The following GSN variants were observed in gnomAD, a reference collection of about 807,000 sequenced individuals.
GSN encodes gelsolin.
A neutral mutation model predicts 85.7 loss-of-function variants in GSN; 56 were observed. The observed-to-expected ratio is 0.65, with a 90% CI of 0.53 to 0.82. The LOEUF is 0.82. GSN is among the 40% of genes least tolerant of loss of function. The probability of loss-of-function intolerance (pLI) is 0.00; values close to 1 mark genes in which losing one functional copy is unlikely to be tolerated. For missense variants in GSN, 857 were observed against 979.8 expected (o/e 0.87, Z 1.67); for synonymous variants, 373 against 399.1 (o/e 0.93, Z 0.78).
At chr9:121,227,159 C>T (rs933445167) in intron 4 of GSN, among the ~76,000 whole-genome samples, 4 of 152,034 alleles carry the variant, frequency 2.6e-5, no homozygotes, top group Admixed American at 1.3e-4. Flanking sequence ...TTTGGGAGGC[C>T]GAGGTGGGCG....
rs1443420179 is a variant in GSN, at chr9:121,281,502, C to T, written c.-70C>T. On this transcript the variant is annotated 5_prime_UTR_variant, in exon 2 of 18. Transcript: ENST00000432226. ...TCATAGCTCTCTTTGTCCAGTGCTTCGGCCTTGGTCCCAGCGCCTTCCCAC... is the reference window on the plus strand; with the variant it reads ...TCATAGCTCTCTTTGTCCAGTGCTTTGGCCTTGGTCCCAGCGCCTTCCCAC... The T allele has an allele frequency of 2.0e-5, 8 of 393,038 alleles. No homozygotes were observed. Among genetic ancestry groups the T allele is most frequent in the South Asian group, 3.9e-5 (2 of 50,858 alleles). 24.3% of individuals were successfully genotyped at this position (393,038 alleles called of 1,614,324 possible). A position where few individuals can be genotyped will look rare whatever the true frequency, so the allele number is the denominator to read the frequency against.
chr9:121,224,303 G>A (rs1244264128), intron 4 of GSN, among the ~76,000 whole-genome samples: 1 of 151,698 alleles, frequency 6.6e-6, no homozygotes, highest in East Asian at 2.0e-4. Flanking sequence ...GTTTTACTGT[G>A]TTAGCCAGGA....
At chr9:121,226,236 G>A (rs908968605) in intron 4 of GSN, among the ~76,000 whole-genome samples, 3 of 152,222 alleles carry the variant, frequency 2.0e-5, no homozygotes, top group African/African-American at 7.2e-5. Flanking sequence ...TGGATACTGC[G>A]CAGGTGCTGC....
At chr9:121,310,934 A>G (rs2061052054) in intron 5 of GSN, 89 bp downstream of exon 5, 2 of 1,229,874 alleles carry the variant, frequency 1.6e-6, no homozygotes, top group Non-Finnish European at 2.4e-6. Flanking sequence ...ACAAATGCAT[A>G]GATGCAGGTG....
intron 8 of GSN, 173 bp downstream of exon 8, chr9:121,317,391 C>G: frequency 2.8e-6 from 2 of 722,248 alleles, no homozygotes; most frequent in South Asian, 3.1e-5. Flanking sequence ...TGATCTTGGG[C>G]ACTTTACTTA....
At chr9:121,224,678 C>T (rs1166309446) in intron 4 of GSN, among the ~76,000 whole-genome samples, 1 of 147,738 alleles carries the variant, frequency 6.8e-6, no homozygotes, top group African/African-American at 2.5e-5. Context: ...ACTGGGGACC[C>T]ATCAGTAGTA....
chr9:121,208,286 C>A (rs1474129616), intron 1 of GSN, among the ~76,000 whole-genome samples: 3 of 152,196 alleles, frequency 2.0e-5, no homozygotes, highest in Non-Finnish European at 4.4e-5. Context: ...CTGATTCCCT[C>A]ATCCATGTGA....
chr9:121,317,282 T>TC, intron 8 of GSN, 64 bp downstream of exon 8: 1 of 1,555,990 alleles, frequency 6.4e-7, no homozygotes, highest in Non-Finnish European at 8.9e-7. Flanking sequence ...GTTCTGCAGC[T>TC]CCCAGGAACT....
At chr9:121,320,009 G>T (rs1342491681) in intron 10 of GSN, among the ~76,000 whole-genome samples, 1 of 152,190 alleles carries the variant, frequency 6.6e-6, no homozygotes, top group Non-Finnish European at 1.5e-5. Flanking sequence ...TAGGGAGAAT[G>T]CAATGAAAAT....
rs759365224 is a variant in GSN at position 121,299,907 on chromosome 9, C to T, written c.-9-2056C>T. ...GCCCGCGCTGCTTTGCGCGCTGTCC[C>T]TGGCGCTGTGCGCGCTGTCGCTGCC... On this transcript the variant is annotated intron_variant, in intron 2 of 17. Coordinates refer to ENST00000432226, the MANE Select transcript of GSN (RefSeq NM_198252.3). The surrounding 1 kb of genome is among the most constrained non-coding windows in gnomAD (Gnocchi z 4.2). 1 of 1,274,520 alleles carries T rather than the reference C, an allele frequency of 7.8e-7. No individual in the cohort carries two copies. Among genetic ancestry groups the T allele is most frequent in the South Asian group, 3.0e-5 (1 of 33,114 alleles). The allele number at this position is 1,274,520 out of a possible 1,614,324, so 79.0% of individuals were successfully genotyped here. A position where few individuals can be genotyped will look rare whatever the true frequency, so the allele number is the denominator to read the frequency against.
At chr9:121,289,170 T>C (rs1005182036) in intron 2 of GSN, among the ~76,000 whole-genome samples, 1 of 151,910 alleles carries the variant, frequency 6.6e-6, no homozygotes, top group East Asian at 1.9e-4. Context: ...GTTTTTTTTT[T>C]CTTTTTTTTC....
intron 6 of GSN, among the ~76,000 whole-genome samples, chr9:121,260,162 C>T (rs547349258): frequency 1.3e-5 from 2 of 152,312 alleles, no homozygotes; most frequent in East Asian, 3.9e-4. Context: ...GGTCATCTGG[C>T]TGAGGTCAAG....
At chr9:121,206,141 ATG>A (rs2053877910), upstream of GSN, among the ~76,000 whole-genome samples, 2 of 152,280 alleles carry the variant, frequency 1.3e-5, no homozygotes, top group South Asian at 4.1e-4. Context: ...TTATTACCAC[ATG>A]TGTGTTCTAC....
At chr9:121,205,649 C>T (rs1321896394), upstream of GSN, among the ~76,000 whole-genome samples, 1 of 152,120 alleles carries the variant, frequency 6.6e-6, no homozygotes, top group Non-Finnish European at 1.5e-5. Flanking sequence ...GGCATAATGA[C>T]ACAAGCTAAC....
intron 5 of GSN, chr9:121,238,898 C>T: frequency 1.9e-6 from 1 of 537,026 alleles, no homozygotes; most frequent in Admixed American, 1.9e-5. Flanking sequence ...TGGTTACATA[C>T]ATCTGCATGA....
chr9:121,327,109 G>A, intron 13 of GSN, 199 bp from the exon 14 acceptor site: 3 of 723,456 alleles, frequency 4.1e-6, no homozygotes, highest in Non-Finnish European at 7.6e-6. Context: ...AATCATGTTG[G>A]CTAGTCACAG....
At position 121,257,745 on chromosome 9, in the gene GSN, C is replaced by T. The variant is rs574392150; in HGVS notation, c.-340-7409C>T. On this transcript the variant is annotated intron_variant, in intron 6 of 24. Coordinates refer to the GSN transcript ENST00000373823. ...AATTAGGTGGGTGTGTTGGTGTGCA[C>T]CTGTAATCTCAGCTACTCAGGAGGC... Among the ~76,000 whole-genome samples the T allele has an allele frequency of 3.9e-5, 6 of 152,270 alleles. No homozygotes were observed. In the South Asian group the frequency reaches 1.2e-3, roughly 32 times the overall value.
chr9:121,317,332 A>G, intron 8 of GSN, 114 bp downstream of exon 8: 1 of 1,183,890 alleles, frequency 8.4e-7, no homozygotes, highest in Non-Finnish European at 1.3e-6. Flanking sequence ...GTGCAATGGA[A>G]ATCAGAAGTC....
At chr9:121,225,740 C>T (rs187100988) in intron 4 of GSN, among the ~76,000 whole-genome samples, 5 of 152,304 alleles carry the variant, frequency 3.3e-5, no homozygotes, top group East Asian at 1.9e-4. Flanking sequence ...CCTGCATCTC[C>T]GAATGTTTTT....
Sources: allele counts gnomAD v4.1 joint callset (sites outside exome capture counted in the v4.1 genomes callset), GRCh38; gene constraint gnomAD v4.1.1; non-coding constraint Gnocchi (gnomAD v3.1); transcripts MANE v1.5; gene names NCBI Gene and HGNC (gene_info 2026-07-23, HGNC 2026-07-21).